The following NRXN3 variants were observed in gnomAD, a reference collection of about 807,000 sequenced individuals.
NRXN3 encodes the protein neurexin III.
In NRXN3, 32 loss-of-function variants were observed where a neutral mutation model predicts 137.6. That is an observed-to-expected ratio of 0.23 (90% CI 0.18 to 0.31). The LOEUF is 0.31. Among genes scored for constraint, NRXN3 ranks in the 10% least tolerant of loss-of-function variants. The pLI, the probability that NRXN3 is intolerant of heterozygous loss-of-function variation, is 1.00. For synonymous variants in NRXN3, 798 were observed against 784.5 expected (o/e 1.02, Z -0.29); for missense variants, 1,574 against 2,062.5 (o/e 0.76, Z 4.59).
At position 79,331,840 on chromosome 14, in the gene NRXN3, C is replaced by CTGTGTGTGTG. The variant is rs58746209; in HGVS notation, c.3263-135358_3263-135349dup. ...TTTAAAGTTTTAATTAAGGCTTTTG[C>CTGTGTGTGTG]TGTGTGTGTGTGTGTGTGTGTGTGT... On this transcript the variant is annotated intron_variant, in intron 15 of 20. Coordinates refer to ENST00000335750, the MANE Select transcript of NRXN3 (RefSeq NM_001330195.2). 6.2e-3 allele frequency among the ~76,000 whole-genome samples: 925 copies of CTGTGTGTGTG among 148,826 alleles called. 8 individuals are homozygous for CTGTGTGTGTG. Among genetic ancestry groups the CTGTGTGTGTG allele is most frequent in the South Asian group, 0.02 (96 of 4,710 alleles).
At chr14:78,908,427 T>A (rs2099225568) in intron 10 of NRXN3, among the ~76,000 whole-genome samples, 1 of 151,994 alleles carries the variant, frequency 6.6e-6, no homozygotes, top group South Asian at 2.1e-4. Flanking sequence ...GCTTTTTCCA[T>A]TGTTAGGTAT....
chr14:79,158,500 T>G (rs375821333), intron 15 of NRXN3, among the ~76,000 whole-genome samples: 47 of 151,942 alleles, frequency 3.1e-4, no homozygotes, highest in Middle Eastern at 3.4e-3. Context: ...ATGTTAGTAT[T>G]TAATCAAATG....
intron 8 of NRXN3, among the ~76,000 whole-genome samples, chr14:78,785,186 A>C (rs968249197): frequency 2.0e-5 from 3 of 152,230 alleles, no homozygotes; most frequent in African/African-American, 7.2e-5. Context: ...AGGATGGTAC[A>C]ATAATGTGGG....
At chr14:78,716,271 C>G (rs544252812) in intron 8 of NRXN3, among the ~76,000 whole-genome samples, 3 of 152,196 alleles carry the variant, frequency 2.0e-5, no homozygotes, top group Non-Finnish European at 2.9e-5. Context: ...GCAGCTTGGT[C>G]TATTTTTTTA....
intron 6 of NRXN3, among the ~76,000 whole-genome samples, chr14:78,686,028 C>T (rs924549132): frequency 6.6e-6 from 1 of 152,046 alleles, no homozygotes; most frequent in African/African-American, 2.4e-5. Context: ...TCCTAGCACT[C>T]CTTCTTCCGT....
At chr14:78,215,764 A>T (rs1357973766) in intron 1 of NRXN3, among the ~76,000 whole-genome samples, 3 of 14,906 alleles carry the variant, frequency 2.0e-4, no homozygotes, top group African/African-American at 3.3e-4. Flanking sequence ...TTTGTGCTGC[A>T]GGGGGGTGGG....
intron 15 of NRXN3, among the ~76,000 whole-genome samples, chr14:79,227,646 A>G (rs900588866): frequency 2.0e-5 from 3 of 152,084 alleles, no homozygotes; most frequent in African/African-American, 7.2e-5. Context: ...CACCAAAGGC[A>G]GTATGTATTC....
At chr14:79,650,982 A>G (rs945988597) in intron 16 of NRXN3, among the ~76,000 whole-genome samples, 1 of 152,222 alleles carries the variant, frequency 6.6e-6, no homozygotes, top group Non-Finnish European at 1.5e-5. Flanking sequence ...AGGCAAGACA[A>G]TGAAACTGAG....
At chr14:78,696,965 A>G (rs2098232471) in intron 6 of NRXN3, among the ~76,000 whole-genome samples, 1 of 152,098 alleles carries the variant, frequency 6.6e-6, no homozygotes, top group African/African-American at 2.4e-5. Context: ...CTGCAAAGGC[A>G]TGTCATGGGA....
At chr14:79,040,892 G>A (rs573851726) in intron 15 of NRXN3, among the ~76,000 whole-genome samples, 1 of 152,192 alleles carries the variant, frequency 6.6e-6, no homozygotes, top group Non-Finnish European at 1.5e-5. Flanking sequence ...GGCATGTCTG[G>A]GCAAGTCACC....
intron 16 of NRXN3, among the ~76,000 whole-genome samples, chr14:79,603,603 T>G (rs2097955750): frequency 6.6e-6 from 1 of 152,302 alleles, no homozygotes; most frequent in African/African-American, 2.4e-5. Context: ...TTCTTGTCAT[T>G]TTTTTTCATA....
chr14:79,583,236 A>G (rs1457214774), intron 16 of NRXN3, among the ~76,000 whole-genome samples: 1 of 152,184 alleles, frequency 6.6e-6, no homozygotes, highest in Non-Finnish European at 1.5e-5. Context: ...TTCTCATCTT[A>G]AAATAGAGAT....
At chr14:78,742,257 C>T (rs375870432) in intron 8 of NRXN3, among the ~76,000 whole-genome samples, 20 of 152,166 alleles carry the variant, frequency 1.3e-4, no homozygotes, top group South Asian at 4.1e-4. Flanking sequence ...CACAAGCCTA[C>T]GTGCTTTCTC....
chr14:78,727,493 A>G (rs1378902536), intron 8 of NRXN3, among the ~76,000 whole-genome samples: 3 of 152,182 alleles, frequency 2.0e-5, no homozygotes, highest in Non-Finnish European at 4.4e-5. Context: ...CTGTAATTCC[A>G]GCACTGTGGG....
At chr14:78,812,943 T>A (rs1275440271) in intron 10 of NRXN3, among the ~76,000 whole-genome samples, 1 of 152,194 alleles carries the variant, frequency 6.6e-6, no homozygotes, top group African/African-American at 2.4e-5. Flanking sequence ...TATACATGGG[T>A]CTTTTAAACT....
intron 15 of NRXN3, among the ~76,000 whole-genome samples, chr14:79,203,133 A>G (rs1185083324): frequency 6.6e-6 from 1 of 152,094 alleles, no homozygotes; most frequent in African/African-American, 2.4e-5. Context: ...TTATTGGTCT[A>G]ATTTCACTGC....
At chr14:79,070,084 A>G (rs1434508513) in intron 15 of NRXN3, among the ~76,000 whole-genome samples, 1 of 152,148 alleles carries the variant, frequency 6.6e-6, no homozygotes, top group Non-Finnish European at 1.5e-5. Flanking sequence ...CCAATGTCAC[A>G]TCAAATTAGG....
intron 15 of NRXN3, among the ~76,000 whole-genome samples, chr14:79,407,622 G>A (rs1329894976): frequency 6.6e-6 from 1 of 152,122 alleles, no homozygotes; most frequent in East Asian, 1.9e-4. Flanking sequence ...CAAGTTTAAT[G>A]TCCTTAAGAT....
At chr14:78,388,547 A>C (rs2153638506) in intron 4 of NRXN3, among the ~76,000 whole-genome samples, 1 of 152,178 alleles carries the variant, frequency 6.6e-6, no homozygotes, top group East Asian at 1.9e-4. Flanking sequence ...AGGTCTGTGC[A>C]AATAAAGTTT....
Sources: allele counts gnomAD v4.1 joint callset (sites outside exome capture counted in the v4.1 genomes callset), GRCh38; gene constraint gnomAD v4.1.1; transcripts MANE v1.5; gene names NCBI Gene and HGNC (gene_info 2026-07-23, HGNC 2026-07-21).